Variants in CXCR5 observed in about 807,000 individuals in gnomAD.
The protein encoded by CXCR5 is C-X-C chemokine receptor type 5.
Under a neutral mutation model 5.6 loss-of-function variants are expected in CXCR5, and 3 were observed. The observed-to-expected ratio is 0.54, with a 90% CI of 0.24 to 1.39. The LOEUF is 1.39. Among genes scored for constraint, CXCR5 ranks in the 40% most tolerant of loss-of-function variants. The pLI, the probability that CXCR5 is intolerant of heterozygous loss-of-function variation, is 0.16. For missense variants in CXCR5, 333 were observed against 494.6 expected (o/e 0.67, Z 3.10); for synonymous variants, 218 against 219.9 (o/e 0.99, Z 0.08).
chr11:118,886,351 A>AG, intron 1 of CXCR5: 1 of 373,244 alleles, frequency 2.7e-6, no homozygotes, highest in Non-Finnish European at 5.3e-6. Flanking sequence ...TTGCCAGAAA[A>AG]AAAAAAAAAA....
At chr11:118,888,756 G>A (rs1198665909) in intron 1 of CXCR5, among the ~76,000 whole-genome samples, 1 of 152,226 alleles carries the variant, frequency 6.6e-6, no homozygotes, top group African/African-American at 2.4e-5. Context: ...CATCTGGTTA[G>A]GTTGGACCCA....
chr11:118,888,566 G>C (rs1173954149), intron 1 of CXCR5, among the ~76,000 whole-genome samples: 1 of 152,204 alleles, frequency 6.6e-6, no homozygotes, highest in Non-Finnish European at 1.5e-5. Flanking sequence ...TCACCTAGAT[G>C]AAGGTAACAG....
In CXCR5 at chr11:118,894,771, T is replaced by C; in HGVS notation, c.*108T>C. ...TAAGGGCTCACCGTGGCTAAGAGTG[T>C]CCTAGGAGTATCCTCATTTGGGGTA... On this transcript the variant is annotated 3_prime_UTR_variant, in exon 2 of 2. Transcript: ENST00000292174. The surrounding 1 kb of genome is among the most constrained non-coding windows in gnomAD (Gnocchi z 6.1). The C allele has an allele frequency of 9.2e-7, 1 of 1,091,488 alleles. No individual in the cohort carries two copies. The highest frequency in any genetic ancestry group is 1.2e-6 in the Non-Finnish European group (1 of 805,074). 67.6% of individuals were successfully genotyped at this position (1,091,488 alleles called of 1,614,324 possible).
chr11:118,886,649 T>C (rs1939718454), intron 1 of CXCR5: 1 of 308,396 alleles, frequency 3.2e-6, no homozygotes, highest in Non-Finnish European at 6.3e-6. Context: ...ACCCTGTCTA[T>C]GCGACCCTCG....
chr11:118,891,434 G>A (rs995820336), intron 1 of CXCR5, among the ~76,000 whole-genome samples: 1 of 152,062 alleles, frequency 6.6e-6, no homozygotes, highest in Admixed American at 6.5e-5. Flanking sequence ...CAAATTCCCT[G>A]GCTCAAGTGA....
chr11:118,888,871 A>G (rs1406823056), intron 1 of CXCR5, among the ~76,000 whole-genome samples: 1 of 152,170 alleles, frequency 6.6e-6, no homozygotes, highest in Admixed American at 6.5e-5. Flanking sequence ...GAGGCATGCT[A>G]GGCACCCCTG....
At chr11:118,887,444 TA>T (rs1939731409) in intron 1 of CXCR5, 1 of 985,420 alleles carries the variant, frequency 1.0e-6, no homozygotes, top group Middle Eastern at 5.2e-4. Context: ...CCCTTAAGCC[TA>T]AAGACTTGCT....
intron 1 of CXCR5, among the ~76,000 whole-genome samples, chr11:118,892,805 C>T (rs998461243): frequency 6.6e-6 from 1 of 152,156 alleles, no homozygotes. Flanking sequence ...CTCACTTTCT[C>T]CTGCCTCTCT....
Position 118,885,650 on chromosome 11 carries a change from G to A in CXCR5, c.51+1658G>A, listed in dbSNP as rs118182497. 4.6e-3 allele frequency among the ~76,000 whole-genome samples: 697 copies of A among 152,302 alleles called. 26 individuals are homozygous for A. In the East Asian group the frequency reaches 0.088, roughly 19 times the overall value. On this transcript the variant is annotated intron_variant, in intron 1 of 1. Coordinates refer to ENST00000292174, the MANE Select transcript of CXCR5 (RefSeq NM_001716.5). ...CATCTTAGTAACCAACTGGAGACCC[G>A]GCGGGTCCCAGCTTCTGAGAAACCT...
chr11:118,887,433 T>G, intron 1 of CXCR5: 1 of 985,476 alleles, frequency 1.0e-6, no homozygotes, highest in Non-Finnish European at 1.2e-6. Flanking sequence ...CAGGTGGGGC[T>G]CCCTTAAGCC....
In CXCR5 at chr11:118,894,009, C is replaced by T. The variant is rs768666087; in HGVS notation, c.465C>T (p.Val155=). The change falls in exon 2 of 2, where the codon GTC becomes GTT. Residue 155 remains valine (V), a synonymous_variant. Transcript: ENST00000292174. This position sits in a 1 kb window ranked among gnomAD's most constrained non-coding sequence, Gnocchi z 6.1. ...GCTACCTGGCCATTGTCCACGCCGT[C>T]CATGCCTACCGCCACCGCCGCCTCC... ...VDRYLAIVHA[V]HAYRHRRLLS... 4.3e-6 allele frequency: 7 copies of T among 1,613,742 alleles called. No homozygotes were observed. The highest frequency in any genetic ancestry group is 5.9e-6 in the Non-Finnish European group (7 of 1,180,026).
Position 118,895,727 on chromosome 11 carries a change from G to A in CXCR5, c.*1064G>A, listed in dbSNP as rs578161622. 8 of 167,256 alleles carry A rather than the reference G, an allele frequency of 4.8e-5. No homozygotes were observed. The highest frequency in any genetic ancestry group is 1.7e-4 in the African/African-American group (7 of 41,584). 10.4% of individuals were successfully genotyped at this position (167,256 alleles called of 1,614,324 possible). On this transcript the variant is annotated 3_prime_UTR_variant, in exon 2 of 2. Transcript: ENST00000292174. This position sits in a 1 kb window ranked among gnomAD's most constrained non-coding sequence, Gnocchi z 4.2. ...CATCCCCTCCGTGGCATCACCTTAG[G>A]CAGGGAAGTGTAAGAAACACACTGA...
Position 118,897,593 on chromosome 11 carries a change from G to A in CXCR5, c.*2930G>A, listed in dbSNP as rs1359001827. The A allele has an allele frequency of 1.1e-5, 4 of 361,784 alleles. No homozygotes were observed. The East Asian group carries it at 2.9e-4, about 27-fold the overall frequency. The allele number at this position is 361,784 out of a possible 1,614,324, so 22.4% of individuals were successfully genotyped here. On this transcript the variant is annotated 3_prime_UTR_variant, in exon 2 of 2. Coordinates refer to ENST00000292174, the MANE Select transcript of CXCR5 (RefSeq NM_001716.5). The stretch of plus-strand genomic sequence containing the variant: ...TGGTCTGACCTCAGTTTAGGAGTGG[G>A]TCATTTACGTCATCTTACCATTTGG...
Position 118,893,857 on chromosome 11 carries a change from C to A in CXCR5, c.313C>A (p.Pro105Thr). 1 of 1,614,130 alleles carries A rather than the reference C, an allele frequency of 6.2e-7. No homozygotes were observed. The highest frequency in any genetic ancestry group is 8.5e-7 in the Non-Finnish European group (1 of 1,180,046). The stretch of plus-strand genomic sequence containing the variant: ...CGACCTCCTGCTGGTCTTCATCTTG[C>A]CCTTTGCCGTGGCCGAGGGCTCTGT... ...VADLLLVFIL[P>T]FAVAEGSVGW... The change falls in exon 2 of 2, where the codon CCC (proline) becomes ACC (threonine). Residue 105 changes from proline to threonine, a missense_variant. Pro to Thr is a conservative substitution (Grantham distance 38). Transcript: ENST00000292174. This position sits in a 1 kb window ranked among gnomAD's most constrained non-coding sequence, Gnocchi z 5.7.
At chr11:118,884,236 AG>A (rs1257898820) in intron 1 of CXCR5, among the ~76,000 whole-genome samples, 4 of 152,196 alleles carry the variant, frequency 2.6e-5, no homozygotes, top group Admixed American at 2.6e-4. Flanking sequence ...ACACGGGTTC[AG>A]GCCCTGCATC....
intron 1 of CXCR5, chr11:118,887,211 A>G (rs1565604908): frequency 2.0e-6 from 2 of 983,930 alleles, no homozygotes; most frequent in South Asian, 9.4e-5. Context: ...AGCTGATCCC[A>G]CTCCTCTAGC....
intron 1 of CXCR5, among the ~76,000 whole-genome samples, chr11:118,888,080 C>G (rs1939744982): frequency 6.6e-6 from 1 of 152,190 alleles, no homozygotes; most frequent in Non-Finnish European, 1.5e-5. Context: ...TGAGAACCAG[C>G]TCAGCCCCAG....
At chr11:118,887,248 T>TGTG (rs1939727687) in intron 1 of CXCR5, 1 of 985,422 alleles carries the variant, frequency 1.0e-6, no homozygotes, top group South Asian at 4.7e-5. Flanking sequence ...TGGCCGCATA[T>TGTG]GTGGACCTAA....
rs148838473 is a variant in CXCR5, at chr11:118,897,646, G to A, written c.*2983G>A. On this transcript the variant is annotated 3_prime_UTR_variant, in exon 2 of 2. Transcript: ENST00000292174. The stretch of plus-strand genomic sequence containing the variant: ...ACGAGACAGGAATGGTATCCCTTAG[G>A]GACCCAGAGACACTGCAAACAGTGG... 2 of 384,032 alleles carry A rather than the reference G, an allele frequency of 5.2e-6. No individual in the cohort carries two copies. Among genetic ancestry groups the A allele is most frequent in the African/African-American group, 4.2e-5 (2 of 47,238 alleles). 23.8% of individuals were successfully genotyped at this position (384,032 alleles called of 1,614,324 possible).
Sources: gnomAD v4.1 joint callset for allele counts (sites outside exome capture counted in the v4.1 genomes callset) on GRCh38, gnomAD v4.1.1 for gene constraint, Gnocchi (gnomAD v3.1) non-coding constraint, MANE v1.5 for transcripts, NCBI Gene and HGNC (gene_info 2026-07-23, HGNC 2026-07-21) for gene names.